Variants in BST2 observed in about 807,000 individuals in gnomAD.
BST2 encodes bone marrow stromal cell antigen 2, also known as bone marrow stromal antigen 2.
BST2 carries 10 observed loss-of-function variants against 18.6 expected under a neutral mutation model. The ratio of observed to expected loss-of-function variants is 0.54; its 90% confidence interval spans 0.33 to 0.91. BST2 has a LOEUF of 0.91. Ranked by LOEUF, BST2 falls within the 40% of genes least tolerant of loss-of-function variation. The probability of loss-of-function intolerance (pLI) is 0.02; values close to 1 mark genes in which losing one functional copy is unlikely to be tolerated. For missense variants in BST2, 183 were observed against 228.4 expected (o/e 0.80, Z 1.28); for synonymous variants, 75 against 96.8 (o/e 0.77, Z 1.32).
chr19:17,404,494 G>A (rs940792217), intron 1 of BST2, 57 bp from the exon 2 acceptor site: 3 of 1,613,032 alleles, frequency 1.9e-6, no homozygotes, highest in African/African-American at 2.7e-5. Context: ...CTGCCCCTGG[G>A]ACCTGGGCCT....
chr19:17,405,322 T>C lies in BST2; in HGVS notation c.254A>G (p.Glu85Gly), dbSNP rs903071133. 1.2e-6 allele frequency: 2 copies of C among 1,613,298 alleles called. No individual in the cohort carries two copies. Among genetic ancestry groups the C allele is most frequent in the Non-Finnish European group, 1.7e-6 (2 of 1,179,644 alleles). ...TEAQKGFQDVEAQAATCNHTV... is the reference protein window; with the variant it reads ...TEAQKGFQDVGAQAATCNHTV... ...GTGGTTGCAGGTGGCGGCCTGGGCC[T>C]CCACATCCTGAAAGCCCTTCTGGGC... The change falls in exon 1 of 5, where the codon GAG (glutamate) becomes GGG (glycine). Residue 85 changes from glutamate (E) to glycine (G), a missense_variant. Physicochemically the swap from Glu to Gly is moderately conservative, Grantham distance 98. Transcript: ENST00000252593.
intron 1 of BST2, among the ~76,000 whole-genome samples, chr19:17,404,864 T>C (rs1438196796): frequency 1.3e-5 from 2 of 152,136 alleles, no homozygotes; most frequent in East Asian, 3.9e-4. Context: ...TATTTCAGTT[T>C]CTTAGGGATG....
At position 17,404,148 on chromosome 19, in the gene BST2, C is replaced by T; in HGVS notation, c.394G>A (p.Ala132Thr). 1 of 1,596,248 alleles carries T rather than the reference C, an allele frequency of 6.3e-7. No homozygotes were observed. The highest frequency in any genetic ancestry group is 2.3e-5 in the East Asian group (1 of 44,024). ...TLNHKLQDAS[A>T]EVERLRRENQ... The stretch of plus-strand genomic sequence containing the variant: ...TCTGACCTCAGTCGCTCCACCTCTG[C>T]AGACGCGTCCTGAAGCTTATGGTTT... The change falls in exon 3 of 5, where the codon GCA becomes ACA. Residue 132 changes from alanine (A) to threonine (T), a missense_variant. Physicochemically the swap from Ala to Thr is moderately conservative, Grantham distance 58 (BLOSUM62 0). Coordinates refer to ENST00000252593, the MANE Select transcript of BST2 (RefSeq NM_004335.4).
Position 17,404,356 on chromosome 19 carries a change from T to A in BST2, c.352+15A>T. 5 of 1,415,570 alleles carry A rather than the reference T, an allele frequency of 3.5e-6. No homozygotes were observed. Among genetic ancestry groups the A allele is most frequent in the African/African-American group, 1.6e-5 (1 of 60,884 alleles). The allele number at this position is 1,415,570 out of a possible 1,614,324, so 87.7% of individuals were successfully genotyped here. A position where few individuals can be genotyped will look rare whatever the true frequency, so the allele number is the denominator to read the frequency against. ...ACTCACCCCTCCCCGGCCCTCTCCC[T>A]TCTCCCTTTCTCACCCTCAAGCTCC... On this transcript the variant is annotated intron_variant, in intron 2 of 4. Transcript: ENST00000252593.
intron 3 of BST2, 88 bp downstream of exon 3, chr19:17,404,041 G>T (rs2074711406): frequency 6.9e-7 from 1 of 1,444,418 alleles, no homozygotes; most frequent in African/African-American, 1.4e-5. Flanking sequence ...GATTTTGGGA[G>T]CAAAGGAGAT....
In BST2 at chr19:17,403,624, C is replaced by G. The variant is rs947280239; in HGVS notation, c.*15+56G>C. On this transcript the variant is annotated intron_variant, in intron 4 of 4. Transcript: ENST00000252593. Reference sequence around the variant, plus strand: ...TCTAGACTTCGGAGCCTCTGCTTCCCCGCCCCGCTTCCCCAGCTTTCTTCT... The same window carrying G: ...TCTAGACTTCGGAGCCTCTGCTTCCGCGCCCCGCTTCCCCAGCTTTCTTCT... The G allele has an allele frequency of 1.5e-5, 24 of 1,571,052 alleles. 1 individual carries two copies. The highest frequency in any genetic ancestry group is 2.2e-5 in the East Asian group (1 of 44,558).
chr19:17,403,459 T>G, intron 4 of BST2, 133 bp from the exon 5 acceptor site: 8 of 536,940 alleles, frequency 1.5e-5, no homozygotes, highest in Non-Finnish European at 1.3e-5. Context: ...CCTCCATCGA[T>G]AGACCCGCCC....
chr19:17,403,809 G>T lies in BST2; in HGVS notation c.429C>A (p.Val143=). The T allele has an allele frequency of 6.3e-7, 1 of 1,594,418 alleles. No homozygotes were observed. Among genetic ancestry groups the T allele is most frequent in the South Asian group, 1.1e-5 (1 of 90,022 alleles). ...EVERLRRENQ[V]LSVRIADKKY... ...TCTTGTCCGCGATTCTCACGCTTAA[G>T]ACCTGGTTTTCTCTTCTGCGGTACA... is the stretch of plus-strand genomic sequence containing the variant. Residue 143 remains valine (V), a synonymous_variant, in exon 4 of 5, where the codon GTC becomes GTA. Transcript: ENST00000252593.
intron 4 of BST2, 92 bp downstream of exon 4, chr19:17,403,588 C>T: frequency 1.3e-6 from 2 of 1,486,288 alleles, no homozygotes; most frequent in African/African-American, 1.4e-5. Flanking sequence ...CCTTCCCCTG[C>T]AGCCTCTCTC....
chr19:17,403,401 G>GCCCCCCC, intron 4 of BST2, 75 bp from the exon 5 acceptor site: 1 of 959,838 alleles, frequency 1.0e-6, no homozygotes, highest in South Asian at 4.4e-5. Context: ...CCGGCCCCAA[G>GCCCCCCC]CCCCGCCCCC....
rs957094686 is a variant in BST2, at chr19:17,404,141, A to C, written c.401T>G (p.Val134Gly). ...NHKLQDASAE[V>G]ERLRRENQVL... ...GGCTATCTCTGACCTCAGTCGCTCCACCTCTGCAGACGCGTCCTGAAGCTT... is the reference window on the plus strand; with the variant it reads ...GGCTATCTCTGACCTCAGTCGCTCCCCCTCTGCAGACGCGTCCTGAAGCTT... Residue 134 changes from valine (V) to glycine (G), a missense_variant, in exon 3 of 5, where the codon GTG becomes GGG. By Grantham distance (109) the Val-to-Gly change is moderately radical. Coordinates refer to ENST00000252593, the MANE Select transcript of BST2 (RefSeq NM_004335.4). 6.3e-7 allele frequency: 1 copy of C among 1,591,974 alleles called. No homozygotes were observed. The highest frequency in any genetic ancestry group is 2.3e-5 in the East Asian group (1 of 43,692).
chr19:17,404,435 CATCTAAGAAGA>C lies in BST2; in HGVS notation c.286-9_287del. ...CTGCATCCAGGGAAGCCATTAGGGC[CATCTAAGAAGA>C]GTTAGAATCTGGGGTTTTGGCCTGG... On this transcript the variant is annotated splice_acceptor_variant and splice_polypyrimidine_tract_variant and coding_sequence_variant and intron_variant, in exon 2 of 5. Coordinates refer to ENST00000252593, the MANE Select transcript of BST2 (RefSeq NM_004335.4). LOFTEE classifies it high-confidence loss of function. 1 of 1,614,120 alleles carries C rather than the reference CATCTAAGAAGA, an allele frequency of 6.2e-7. No homozygotes were observed. Among genetic ancestry groups the C allele is most frequent in the South Asian group, 1.1e-5 (1 of 91,074 alleles).
chr19:17,405,596 C>A lies in BST2; in HGVS notation c.-21G>T. On this transcript the variant is annotated 5_prime_UTR_variant, in exon 1 of 5. Coordinates refer to ENST00000252593, the MANE Select transcript of BST2 (RefSeq NM_004335.4). Reference sequence around the variant, plus strand: ...GCCATCCAGATCTCCCCTTTAGAGTCTGGCCTGGAGTTAGGGGAGGGTGCT... The same window carrying A: ...GCCATCCAGATCTCCCCTTTAGAGTATGGCCTGGAGTTAGGGGAGGGTGCT... The A allele has an allele frequency of 4.0e-6, 1 of 252,326 alleles. No homozygotes were observed. Among genetic ancestry groups the A allele is most frequent in the South Asian group, 4.4e-5 (1 of 22,508 alleles). The allele number at this position is 252,326 out of a possible 1,614,324, so 15.6% of individuals were successfully genotyped here. A position where few individuals can be genotyped will look rare whatever the true frequency, so the allele number is the denominator to read the frequency against.
At chr19:17,404,325 T>TCCCA in intron 2 of BST2, 46 bp downstream of exon 2, 1 of 938,024 alleles carries the variant, frequency 1.1e-6, no homozygotes, top group Non-Finnish European at 1.6e-6. Context: ...CCCTCTTCCA[T>TCCCA]ACCTGACTCA....
Position 17,403,291 on chromosome 19 carries a change from C to T in BST2, c.*51G>A. 3 of 1,060,906 alleles carry T rather than the reference C, an allele frequency of 2.8e-6. No individual in the cohort carries two copies. The highest frequency in any genetic ancestry group is 3.4e-6 in the Non-Finnish European group (3 of 873,236). The allele number at this position is 1,060,906 out of a possible 1,614,324, so 65.7% of individuals were successfully genotyped here. On this transcript the variant is annotated 3_prime_UTR_variant, in exon 5 of 5. Transcript: ENST00000252593. Reference sequence around the variant, plus strand: ...TGATGAGATCAAGGGAATGTTCAAGCGAAAAGCCGAGCAGGACGGACCTTC... The same window carrying T: ...TGATGAGATCAAGGGAATGTTCAAGTGAAAAGCCGAGCAGGACGGACCTTC...
rs1804403 is a variant in BST2 at position 17,403,255 on chromosome 19, C to T, written c.*87G>A. 22 of 1,007,240 alleles carry T rather than the reference C, an allele frequency of 2.2e-5. No homozygotes were observed. The highest frequency in any genetic ancestry group is 2.6e-5 in the Non-Finnish European group (22 of 842,576). The allele number at this position is 1,007,240 out of a possible 1,614,324, so 62.4% of individuals were successfully genotyped here. On this transcript the variant is annotated 3_prime_UTR_variant, in exon 5 of 5. Transcript: ENST00000252593. Reference sequence around the variant, plus strand: ...CCCGCTAACCGTGTTGCCCCATGACCCGCTCAGAACTGATGAGATCAAGGG... The same window carrying T: ...CCCGCTAACCGTGTTGCCCCATGACTCGCTCAGAACTGATGAGATCAAGGG...
Position 17,405,196 on chromosome 19 carries a change from C to T in BST2, c.285+95G>A, listed in dbSNP as rs2074719111. 3 of 1,434,256 alleles carry T rather than the reference C, an allele frequency of 2.1e-6. No individual in the cohort carries two copies. In the South Asian group the frequency reaches 4.4e-5, roughly 21 times the overall value. The allele number at this position is 1,434,256 out of a possible 1,614,324, so 88.8% of individuals were successfully genotyped here. ...CAGTTTCAGGACCTCCCCTGCATCT[C>T]CCTGGAGACCCACCCTGGGTCAGAT... On this transcript the variant is annotated intron_variant, in intron 1 of 4. Coordinates refer to ENST00000252593, the MANE Select transcript of BST2 (RefSeq NM_004335.4).
chr19:17,403,560 T>C, intron 4 of BST2, 120 bp downstream of exon 4: 2 of 1,127,138 alleles, frequency 1.8e-6, no homozygotes, highest in Non-Finnish European at 2.2e-6. Context: ...CCAAGGCCCC[T>C]CACCTCTGCG....
chr19:17,405,037 G>A (rs994667979), intron 1 of BST2, among the ~76,000 whole-genome samples: 1 of 152,150 alleles, frequency 6.6e-6, no homozygotes, highest in Non-Finnish European at 1.5e-5. Context: ...AGTCCCAGGG[G>A]GATACTGAGG....
Sources: allele counts gnomAD v4.1 joint callset (sites outside exome capture counted in the v4.1 genomes callset), GRCh38; gene constraint gnomAD v4.1.1; transcripts MANE v1.5; gene names NCBI Gene and HGNC (gene_info 2026-07-23, HGNC 2026-07-21).